SLC26A7: variants seen among roughly 807,000 people sequenced by gnomAD.
SLC26A7 encodes anion exchange transporter.
A neutral mutation model predicts 82.5 loss-of-function variants in SLC26A7; 59 were observed. That is an observed-to-expected ratio of 0.72 (90% CI 0.58 to 0.89). SLC26A7 has a LOEUF of 0.89. Among genes scored for constraint, SLC26A7 ranks in the 40% least tolerant of loss-of-function variants. SLC26A7 has a pLI of 0.00. For synonymous variants in SLC26A7, 271 were observed against 274.3 expected (o/e 0.99, Z 0.12); for missense variants, 820 against 793.0 (o/e 1.03, Z -0.41).
At chr8:91,357,797 G>T (rs1813914703) in intron 11 of SLC26A7, among the ~76,000 whole-genome samples, 1 of 152,164 alleles carries the variant, frequency 6.6e-6, no homozygotes, top group Non-Finnish European at 1.5e-5. Context: ...CACAGCAAAA[G>T]AAACTACCAT....
At chr8:91,345,591 C>T (rs1193904655) in intron 9 of SLC26A7, among the ~76,000 whole-genome samples, 1 of 151,990 alleles carries the variant, frequency 6.6e-6, no homozygotes, top group East Asian at 1.9e-4. Context: ...TGTTTAGAAC[C>T]TTATTTTAAC....
At chr8:91,280,608 G>T (rs573143969) in intron 2 of SLC26A7, among the ~76,000 whole-genome samples, 1 of 152,248 alleles carries the variant, frequency 6.6e-6, no homozygotes, top group Admixed American at 6.5e-5. Flanking sequence ...TCTATTATTT[G>T]CCAGGAGTGC....
chr8:91,333,768 AG>A (rs1447518199), intron 5 of SLC26A7, among the ~76,000 whole-genome samples: 1 of 152,214 alleles, frequency 6.6e-6, no homozygotes, highest in Non-Finnish European at 1.5e-5. Flanking sequence ...CTTGGTATAA[AG>A]TAAGTGACAA....
intron 1 of SLC26A7, among the ~76,000 whole-genome samples, chr8:91,214,428 A>G (rs923240389): frequency 3.3e-5 from 5 of 152,170 alleles, no homozygotes; most frequent in Non-Finnish European, 5.9e-5. Context: ...ACTTTCCAAC[A>G]ACTGTTCATT....
chr8:91,251,606 G>A (rs1212318198), intron 2 of SLC26A7, among the ~76,000 whole-genome samples: 2 of 151,936 alleles, frequency 1.3e-5, no homozygotes, highest in Non-Finnish European at 2.9e-5. Context: ...GTTGTAAGAG[G>A]CAATGCCCTA....
intron 9 of SLC26A7, 134 bp downstream of exon 9, chr8:91,343,600 A>G (rs955748435): frequency 1.2e-5 from 7 of 591,328 alleles, no homozygotes; most frequent in Admixed American, 6.2e-5. Context: ...AAGTTGTTTT[A>G]AGAAAGTCCT....
intron 1 of SLC26A7, among the ~76,000 whole-genome samples, chr8:91,213,233 T>G (rs1422147010): frequency 1.3e-5 from 2 of 152,152 alleles, no homozygotes; most frequent in Non-Finnish European, 2.9e-5. Context: ...GGGATTTTCT[T>G]TGTCGTTTCT....
Position 91,289,144 on chromosome 8 carries a change from T to A in SLC26A7, c.202T>A (p.Phe68Ile). ...CCTAGTCTTCTTCACAGGATTGGCC[T>A]TTGCTGTTCTCTCATCTGTGCACCC... ...AVQQVTQGLA[F>I]AVLSSVHPVF... The change falls in exon 3 of 19, where the codon TTT (phenylalanine) becomes ATT (isoleucine). Residue 68 changes from phenylalanine to isoleucine, a missense_variant. Coordinates refer to ENST00000276609, the MANE Select transcript of SLC26A7 (RefSeq NM_052832.4). The A allele has an allele frequency of 6.2e-7, 1 of 1,613,470 alleles. No individual in the cohort carries two copies. The highest frequency in any genetic ancestry group is 8.5e-7 in the Non-Finnish European group (1 of 1,179,420).
intron 2 of SLC26A7, among the ~76,000 whole-genome samples, chr8:91,265,594 C>T (rs1201907150): frequency 1.3e-5 from 2 of 151,770 alleles, no homozygotes; most frequent in African/African-American, 4.8e-5. Flanking sequence ...CATCCTAATT[C>T]AGGTGAGGTG....
At chr8:91,340,968 CT>C (rs1813392453) in intron 8 of SLC26A7, among the ~76,000 whole-genome samples, 1 of 149,968 alleles carries the variant, frequency 6.7e-6, no homozygotes, top group Admixed American at 6.7e-5. Flanking sequence ...TCTGAAAATA[CT>C]TTTGCATATG....
intron 2 of SLC26A7, among the ~76,000 whole-genome samples, chr8:91,261,268 G>T (rs1446197856): frequency 6.6e-6 from 1 of 152,118 alleles, no homozygotes; most frequent in African/African-American, 2.4e-5. Context: ...CGATAGAGGA[G>T]TATAAGACAA....
chr8:91,390,298 T>C (rs1814925999), intron 16 of SLC26A7, among the ~76,000 whole-genome samples: 1 of 152,084 alleles, frequency 6.6e-6, no homozygotes, highest in African/African-American at 2.4e-5. Context: ...TTTGTATTTT[T>C]AGTAGAGACG....
chr8:91,334,560 T>C (rs1025289089), intron 6 of SLC26A7, 113 bp downstream of exon 6: 51 of 896,612 alleles, frequency 5.7e-5, no homozygotes, highest in East Asian at 1.4e-4. Flanking sequence ...CTCCTGTCTC[T>C]CATTAAAGCA....
At chr8:91,376,601 G>A (rs545812718) in intron 15 of SLC26A7, among the ~76,000 whole-genome samples, 1 of 152,176 alleles carries the variant, frequency 6.6e-6, no homozygotes, top group Non-Finnish European at 1.5e-5. Flanking sequence ...GGCTGAGGGT[G>A]CAGAGATCTC....
chr8:91,305,170 A>G (rs1044297821), intron 4 of SLC26A7, among the ~76,000 whole-genome samples: 9 of 152,204 alleles, frequency 5.9e-5, no homozygotes, highest in African/African-American at 1.9e-4. Flanking sequence ...ATTAAATTGA[A>G]GAGGAAAAAG....
At chr8:91,319,997 T>C (rs1010052194) in intron 5 of SLC26A7, among the ~76,000 whole-genome samples, 1 of 152,178 alleles carries the variant, frequency 6.6e-6, no homozygotes, top group African/African-American at 2.4e-5. Flanking sequence ...TTTCATTTTG[T>C]ATTTTTGAGG....
intron 4 of SLC26A7, among the ~76,000 whole-genome samples, chr8:91,309,243 G>A (rs773874101): frequency 4.0e-5 from 6 of 150,998 alleles, no homozygotes; most frequent in Non-Finnish European, 8.8e-5. Context: ...TAAAATATAC[G>A]TTATGTATAT....
chr8:91,263,540 C>T (rs4492333), intron 2 of SLC26A7, among the ~76,000 whole-genome samples: 81,070 of 151,906 alleles, frequency 0.53, 24,424 homozygotes, highest in South Asian at 0.68. Flanking sequence ...ATATCCAAAC[C>T]TATACAAATG....
chr8:91,354,344 T>C (rs1450623758), intron 11 of SLC26A7, among the ~76,000 whole-genome samples: 1 of 152,094 alleles, frequency 6.6e-6, no homozygotes, highest in Admixed American at 6.6e-5. Flanking sequence ...GAGAATCTCA[T>C]ATGCAAAGAT....
Sources: allele counts gnomAD v4.1 joint callset (sites outside exome capture counted in the v4.1 genomes callset), GRCh38; gene constraint gnomAD v4.1.1; transcripts MANE v1.5; gene names NCBI Gene and HGNC (gene_info 2026-07-23, HGNC 2026-07-21).